EDC3: variants seen among roughly 807,000 people sequenced by gnomAD.
The protein encoded by EDC3 is enhancer of mRNA decapping 3, also known as enhancer of mRNA-decapping protein 3.
A neutral mutation model predicts 41.8 loss-of-function variants in EDC3; 20 were observed. The observed-to-expected ratio is 0.48, with a 90% CI of 0.34 to 0.70. The LOEUF (loss-of-function observed/expected upper bound fraction) is 0.70, where lower values mean the gene tolerates loss of function less well. Ranked by LOEUF, EDC3 falls within the 30% of genes least tolerant of loss-of-function variation. The pLI is 0.01. For missense variants in EDC3, 444 were observed against 636.8 expected, an observed-to-expected ratio of 0.70 and a Z score of 3.26; for synonymous variants, 206 against 243.2, an observed-to-expected ratio of 0.85 and a Z score of 1.42.
chr15:74,680,912 TAAAA>T (rs1300816610), intron 1 of EDC3, among the ~76,000 whole-genome samples: 1 of 149,572 alleles, frequency 6.7e-6, no homozygotes, highest in Non-Finnish European at 1.5e-5. Flanking sequence ...GGTGTAAATC[TAAAA>T]AAAAAGGGTA....
chr15:74,675,914 T>C (rs1471277341), intron 1 of EDC3, among the ~76,000 whole-genome samples: 1 of 151,452 alleles, frequency 6.6e-6, no homozygotes, highest in Non-Finnish European at 1.5e-5. Context: ...TTAAAGCCAA[T>C]TGAAGGTACT....
chr15:74,656,604 T>A (rs993512046), intron 3 of EDC3, among the ~76,000 whole-genome samples: 2 of 152,218 alleles, frequency 1.3e-5, no homozygotes, highest in Non-Finnish European at 2.9e-5. Flanking sequence ...GAATATAGCA[T>A]GGTGGTTTTG....
chr15:74,675,098 A>G lies in EDC3; in HGVS notation c.27T>C (p.Ile9=). ...AGCTATCTCCACAATTGATGGACACAATACTTCCCAGCCAATCTGTAGCCA... is the reference window on the plus strand; with the variant it reads ...AGCTATCTCCACAATTGATGGACACGATACTTCCCAGCCAATCTGTAGCCA... MATDWLGS[I]VSINCGDSLG... The change falls in exon 2 of 7, where the codon ATT becomes ATC. Residue 9 remains isoleucine, a synonymous_variant. Transcript: ENST00000315127. The G allele has an allele frequency of 1.2e-6, 2 of 1,613,676 alleles. No homozygotes were observed. Among genetic ancestry groups the G allele is most frequent in the Non-Finnish European group, 1.7e-6 (2 of 1,180,028 alleles).
At chr15:74,654,824 C>G (rs1004938511) in intron 4 of EDC3, among the ~76,000 whole-genome samples, 1 of 152,114 alleles carries the variant, frequency 6.6e-6, no homozygotes, top group Non-Finnish European at 1.5e-5. Context: ...CCTCCAAATG[C>G]AATTAGCTGC....
chr15:74,642,754 C>T (rs2062369240), intron 4 of EDC3: 1 of 152,254 alleles, frequency 6.6e-6, no homozygotes, highest in African/African-American at 2.4e-5. Flanking sequence ...GCAGGCAGCC[C>T]CTCCCCTGCC....
Position 74,661,291 on chromosome 15 carries a change from G to T in EDC3, c.485-5223C>A, listed in dbSNP as rs147287558. 6.2e-4 allele frequency among the ~76,000 whole-genome samples: 94 copies of T among 152,190 alleles called. 1 individual carries two copies. In the East Asian group the frequency reaches 0.017, roughly 27 times the overall value. On this transcript the variant is annotated intron_variant, in intron 3 of 6. Transcript: ENST00000315127. ...TCCCAAATTATAAAGTATCAAGAAG[G>T]TCATTCCAAACATGAATCCACATTA...
intron 4 of EDC3, among the ~76,000 whole-genome samples, chr15:74,647,118 TCCTG>T (rs2062428127): frequency 1.3e-5 from 2 of 151,800 alleles, no homozygotes; most frequent in South Asian, 4.2e-4. Flanking sequence ...CAAGTGATTC[TCCTG>T]CCTCAGCCTC....
At chr15:74,683,467 G>A (rs1021823953) in intron 1 of EDC3, among the ~76,000 whole-genome samples, 1 of 152,204 alleles carries the variant, frequency 6.6e-6, no homozygotes, top group Non-Finnish European at 1.5e-5. Context: ...CCCAGGAGGC[G>A]GAGGTCGCAG....
chr15:74,684,336 A>G (rs1351514954), intron 1 of EDC3, among the ~76,000 whole-genome samples: 1 of 151,768 alleles, frequency 6.6e-6, no homozygotes, highest in Non-Finnish European at 1.5e-5. Flanking sequence ...ACACCCAGCT[A>G]ATTTTTGTAT....
At chr15:74,655,708 G>A (rs772333439) in intron 4 of EDC3, 25 bp downstream of exon 4, 15 of 1,577,144 alleles carry the variant, frequency 9.5e-6, no homozygotes, top group Middle Eastern at 1.9e-4. Context: ...GCAACCAGCA[G>A]GATGTGGGAC....
intron 3 of EDC3, among the ~76,000 whole-genome samples, chr15:74,659,724 C>G (rs2062599041): frequency 6.6e-6 from 1 of 150,986 alleles, no homozygotes; most frequent in African/African-American, 2.4e-5. Context: ...AATAAAAAAC[C>G]ACATGAGAAC....
chr15:74,691,605 G>A (rs2063008484), intron 1 of EDC3, among the ~76,000 whole-genome samples: 1 of 152,084 alleles, frequency 6.6e-6, no homozygotes, highest in Admixed American at 6.6e-5. Flanking sequence ...ACAAAGATAT[G>A]CAAGCAAGGG....
At chr15:74,684,216 T>G (rs1329203218) in intron 1 of EDC3, among the ~76,000 whole-genome samples, 2 of 151,824 alleles carry the variant, frequency 1.3e-5, no homozygotes, top group Non-Finnish European at 2.9e-5. Context: ...ATTTTCTGTT[T>G]TGTAGAGACA....
chr15:74,659,594 G>A (rs2062597584), intron 3 of EDC3, among the ~76,000 whole-genome samples: 1 of 151,502 alleles, frequency 6.6e-6, no homozygotes, highest in African/African-American at 2.4e-5. Flanking sequence ...GAGATGGGCT[G>A]GGTACAGTGG....
intron 3 of EDC3, among the ~76,000 whole-genome samples, chr15:74,664,169 A>C (rs1174450183): frequency 6.6e-6 from 1 of 152,216 alleles, no homozygotes; most frequent in Non-Finnish European, 1.5e-5. Context: ...ACATAAAATA[A>C]ATGCAAGGCA....
At chr15:74,666,333 C>T (rs962434261) in intron 3 of EDC3, among the ~76,000 whole-genome samples, 2 of 151,692 alleles carry the variant, frequency 1.3e-5, no homozygotes, top group African/African-American at 4.9e-5. Context: ...AAAATAGTAA[C>T]ATTTTACTGC....
intron 1 of EDC3, among the ~76,000 whole-genome samples, chr15:74,682,088 A>G (rs2062876069): frequency 6.6e-6 from 1 of 152,204 alleles, no homozygotes; most frequent in Non-Finnish European, 1.5e-5. Flanking sequence ...TGGATCACTC[A>G]TACATTGCTA....
intron 4 of EDC3, among the ~76,000 whole-genome samples, chr15:74,654,187 A>T (rs1377957202): frequency 6.7e-6 from 1 of 149,504 alleles, no homozygotes; most frequent in East Asian, 2.0e-4. Context: ...CAGGAGGTGG[A>T]GGTTGGCAGT....
intron 1 of EDC3, among the ~76,000 whole-genome samples, chr15:74,689,339 T>C (rs1019253964): frequency 6.6e-6 from 1 of 152,176 alleles, no homozygotes; most frequent in Non-Finnish European, 1.5e-5. Flanking sequence ...GTGCAATGGT[T>C]TTGGTATTTT....
Sources: allele counts gnomAD v4.1 joint callset (sites outside exome capture counted in the v4.1 genomes callset), GRCh38; gene constraint gnomAD v4.1.1; transcripts MANE v1.5; gene names NCBI Gene and HGNC (gene_info 2026-07-23, HGNC 2026-07-21).